The following RFX7 variants were observed in gnomAD, a reference collection of about 807,000 sequenced individuals.
RFX7 encodes regulatory factor X7.
In RFX7, 26 loss-of-function variants were observed where a neutral mutation model predicts 111.8. The observed-to-expected ratio is 0.23, with a 90% CI of 0.17 to 0.32. The LOEUF (loss-of-function observed/expected upper bound fraction) is 0.32, where lower values mean the gene tolerates loss of function less well. Among genes scored for constraint, RFX7 ranks in the 10% least tolerant of loss-of-function variants. The pLI, the probability that RFX7 is intolerant of heterozygous loss-of-function variation, is 1.00. For synonymous variants in RFX7, 624 were observed against 624.4 expected, an observed-to-expected ratio of 1.00 and a Z score of 0.01; for missense variants, 1,573 against 1,772.9, an observed-to-expected ratio of 0.89 and a Z score of 2.02.
At chr15:56,205,530 T>A (rs773595950) in intron 2 of RFX7, among the ~76,000 whole-genome samples, 3 of 152,222 alleles carry the variant, frequency 2.0e-5, no homozygotes, top group Non-Finnish European at 4.4e-5. Flanking sequence ...TGACACAAGT[T>A]TGACTAACAA....
At chr15:56,209,171 G>A (rs1280178593) in intron 2 of RFX7, among the ~76,000 whole-genome samples, 1 of 151,466 alleles carries the variant, frequency 6.6e-6, no homozygotes, top group Admixed American at 6.6e-5. Flanking sequence ...AAAAAATCTT[G>A]AAAGAAGCTA....
intron 5 of RFX7, among the ~76,000 whole-genome samples, chr15:56,127,536 GT>G (rs1171471962): frequency 7.2e-6 from 1 of 138,976 alleles, no homozygotes; most frequent in African/African-American, 2.5e-5. Context: ...CCCCAAAATT[GT>G]TTTTTTGAAA....
At position 56,114,710 on chromosome 15, in the gene RFX7, A is replaced by T. The variant is rs1247994153; in HGVS notation, c.402-11040T>A. ...AGAAGAGTTAAATTATTTATATATAAAAAAACTATCATATATGACCCTCCT... is the reference window on the plus strand; with the variant it reads ...AGAAGAGTTAAATTATTTATATATATAAAAACTATCATATATGACCCTCCT... On this transcript the variant is annotated intron_variant, in intron 5 of 9. Coordinates refer to ENST00000559447, the MANE Select transcript of RFX7 (RefSeq NM_022841.7). 2.0e-5 allele frequency among the ~76,000 whole-genome samples: 3 copies of T among 152,042 alleles called. No individual in the cohort carries two copies. The South Asian group carries it at 6.2e-4, about 32-fold the overall frequency.
Position 56,096,280 on chromosome 15 carries a change from C to T in RFX7, c.1448G>A (p.Ser483Asn), listed in dbSNP as rs751810871. Residue 483 changes from serine to asparagine, a missense_variant, in exon 10 of 10, where the codon AGC becomes AAC. Transcript: ENST00000559447. ...VKMTTISLTPSNSNTPLKHSA... is the reference protein window; with the variant it reads ...VKMTTISLTPNNSNTPLKHSA... ...ATGTTTAAGAGGGGTGTTACTGTTG[C>T]TGGGTGTGAGGGATATTGTTGTCAT... 15 of 1,613,776 alleles carry T rather than the reference C, an allele frequency of 9.3e-6. No homozygotes were observed. In the East Asian group the frequency reaches 3.1e-4, roughly 34 times the overall value.
intron 5 of RFX7, among the ~76,000 whole-genome samples, chr15:56,104,051 T>G (rs1387303660): frequency 6.6e-6 from 1 of 152,172 alleles, no homozygotes; most frequent in African/African-American, 2.4e-5. Flanking sequence ...ATACATATCA[T>G]GCACATCAGA....
intron 2 of RFX7, among the ~76,000 whole-genome samples, chr15:56,228,976 A>T (rs2043517906): frequency 6.6e-6 from 1 of 152,264 alleles, no homozygotes; most frequent in Non-Finnish European, 1.5e-5. Context: ...ATTATAATAC[A>T]TAGTAAAATA....
At chr15:56,158,800 A>G (rs2042684912) in intron 3 of RFX7, among the ~76,000 whole-genome samples, 1 of 152,170 alleles carries the variant, frequency 6.6e-6, no homozygotes, top group Non-Finnish European at 1.5e-5. Context: ...CCTGGGTAAC[A>G]GAGCAAGACC....
chr15:56,190,272 C>A (rs1396498138), intron 2 of RFX7, among the ~76,000 whole-genome samples: 1 of 152,214 alleles, frequency 6.6e-6, no homozygotes, highest in South Asian at 2.1e-4. Context: ...ATTTTGTCCA[C>A]TGCTGGGAGT....
intron 2 of RFX7, among the ~76,000 whole-genome samples, chr15:56,179,761 AACACACACACACACAC>A (rs58597217): frequency 0.29 from 40,465 of 137,366 alleles, 6,203 homozygotes; most frequent in Middle Eastern, 0.4. Context: ...TCTCTGTCTC[AACACACACACACACAC>A]ACACACACAC....
At position 56,142,795 on chromosome 15, in the gene RFX7, T is replaced by A; in HGVS notation, c.384A>T (p.Glu128Asp). 1 of 1,613,410 alleles carries A rather than the reference T, an allele frequency of 6.2e-7. No individual in the cohort carries two copies. The highest frequency in any genetic ancestry group is 8.5e-7 in the Non-Finnish European group (1 of 1,179,580). ...CTACTTACTTGTACTCATCATAGAC[T>A]TCCTGTTTGGGCAGTGAAGTCTCCG... ...EHPETSLPKQ[E>D]VYDEYKSYCD... The change falls in exon 5 of 10, where the codon GAA (glutamate) becomes GAT (aspartate). Residue 128 changes from glutamate to aspartate, a missense_variant. Around this residue, in one of 7 missense-constraint regions of RFX7, gnomAD observed 191 missense variants for 194.2 expected, o/e 0.98. Transcript: ENST00000559447.
intron 5 of RFX7, among the ~76,000 whole-genome samples, chr15:56,124,197 C>T (rs998730099): frequency 6.6e-6 from 1 of 152,066 alleles, no homozygotes; most frequent in Admixed American, 6.5e-5. Flanking sequence ...CCGAGGCAGG[C>T]GGATCACAAG....
At chr15:56,174,140 T>C (rs1250022045) in intron 3 of RFX7, among the ~76,000 whole-genome samples, 3 of 151,542 alleles carry the variant, frequency 2.0e-5, no homozygotes, top group African/African-American at 7.3e-5. Context: ...AAGCCGGGTA[T>C]GGTGGTGAGC....
In RFX7 at chr15:56,095,985, T is replaced by C; in HGVS notation, c.1743A>G (p.Lys581=). The C allele has an allele frequency of 3.1e-6, 5 of 1,612,002 alleles. No homozygotes were observed. The highest frequency in any genetic ancestry group is 3.4e-6 in the Non-Finnish European group (4 of 1,179,560). ...TTTCAATGACACCTTCATTTGAAGG[T>C]TTCTGCAGTGCTCCGTCTGTATTAC... ...QKSNTDGALQ[K]PSNEGVIEIK... is the part of the protein sequence containing the mutation. The change falls in exon 10 of 10, where the codon AAA becomes AAG. Residue 581 remains lysine, a synonymous_variant. Coordinates refer to ENST00000559447, the MANE Select transcript of RFX7 (RefSeq NM_022841.7).
chr15:56,206,510 C>G (rs1299897785), intron 2 of RFX7, among the ~76,000 whole-genome samples: 1 of 152,014 alleles, frequency 6.6e-6, no homozygotes, highest in African/African-American at 2.4e-5. Flanking sequence ...AGCTATATAG[C>G]CCAAAGAAAG....
At chr15:56,178,798 T>A (rs1217220908) in intron 3 of RFX7, among the ~76,000 whole-genome samples, 2 of 152,202 alleles carry the variant, frequency 1.3e-5, no homozygotes, top group Non-Finnish European at 2.9e-5. Flanking sequence ...TCTTAAAAGC[T>A]GTTTTTGAAA....
At chr15:56,119,069 CCTT>C (rs1200323423) in intron 5 of RFX7, among the ~76,000 whole-genome samples, 1 of 151,796 alleles carries the variant, frequency 6.6e-6, no homozygotes, top group African/African-American at 2.4e-5. Flanking sequence ...TGTTTGAGCT[CCTT>C]CTATATTCTG....
intron 8 of RFX7, 24 bp from the exon 9 acceptor site, chr15:56,098,400 C>A (rs1449341412): frequency 6.4e-7 from 1 of 1,555,168 alleles, no homozygotes; most frequent in East Asian, 2.4e-5. Context: ...GAAAGGAAAG[C>A]TGCAATAAAT....
intron 5 of RFX7, among the ~76,000 whole-genome samples, chr15:56,119,502 T>G (rs1595940145): frequency 6.6e-6 from 1 of 151,896 alleles, no homozygotes; most frequent in East Asian, 1.9e-4. Flanking sequence ...ACTGGCTGGG[T>G]GCGGTGGCTC....
intron 5 of RFX7, among the ~76,000 whole-genome samples, chr15:56,128,501 T>TG (rs1212402196): frequency 2.6e-5 from 4 of 152,166 alleles, no homozygotes; most frequent in Admixed American, 2.6e-4. Flanking sequence ...TCTCAATAGA[T>TG]GCAGAAAAAA....
Sources: allele counts gnomAD v4.1 joint callset (sites outside exome capture counted in the v4.1 genomes callset), GRCh38; gene constraint gnomAD v4.1.1; regional missense constraint gnomAD v4.1.1; transcripts MANE v1.5; gene names NCBI Gene and HGNC (gene_info 2026-07-23, HGNC 2026-07-21).